The following SLC39A11 variants were observed in gnomAD, a reference collection of about 807,000 sequenced individuals.
The protein encoded by SLC39A11 is solute carrier family 39 member 11.
In SLC39A11, 33 loss-of-function variants were observed where a neutral mutation model predicts 36.1. That is an observed-to-expected ratio of 0.91 (90% CI 0.69 to 1.22). The LOEUF is 1.22. SLC39A11 is among the 50% of genes most tolerant of loss of function. SLC39A11 has a pLI of 0.00. For synonymous variants in SLC39A11, 166 were observed against 170.3 expected, an observed-to-expected ratio of 0.97 and a Z score of 0.20; for missense variants, 432 against 430.3, an observed-to-expected ratio of 1.00 and a Z score of -0.03.
chr17:73,072,580 C>A (rs8081059), intron 3 of SLC39A11: 125,447 of 151,748 alleles, frequency 0.83, 51,952 homozygotes, highest in East Asian at 0.9. Context: ...CAAAAATAAT[C>A]ATCATCATCC....
At chr17:72,959,363 A>ATATATATATATATG (rs1555651691) in intron 4 of SLC39A11, among the ~76,000 whole-genome samples, 1 of 139,550 alleles carries the variant, frequency 7.2e-6, no homozygotes, top group African/African-American at 2.6e-5. Flanking sequence ...ATATATATAT[A>ATATATATATATATG]TATGATCGAA....
chr17:72,757,863 A>T (rs1339511636), intron 6 of SLC39A11, among the ~76,000 whole-genome samples: 3 of 151,832 alleles, frequency 2.0e-5, no homozygotes, highest in Non-Finnish European at 4.4e-5. Context: ...GGGACCTAGG[A>T]GGTGCTCAGT....
chr17:73,011,080 A>ACAGGCACC (rs935946417), intron 4 of SLC39A11, among the ~76,000 whole-genome samples: 2 of 152,030 alleles, frequency 1.3e-5, no homozygotes, highest in Non-Finnish European at 2.9e-5. Context: ...CCCCCGGTAC[A>ACAGGCACC]CAGGCACACA....
intron 6 of SLC39A11, among the ~76,000 whole-genome samples, chr17:72,749,529 C>A (rs530439571): frequency 6.6e-6 from 1 of 152,256 alleles, no homozygotes; most frequent in African/African-American, 2.4e-5. Context: ...GGACACAGGA[C>A]GAAGGAAGCA....
intron 3 of SLC39A11, among the ~76,000 whole-genome samples, chr17:73,083,994 T>C (rs1444839926): frequency 6.6e-6 from 1 of 152,198 alleles, no homozygotes; most frequent in African/African-American, 2.4e-5. Flanking sequence ...TCATCTGGGA[T>C]TAGCTTTTAT....
At chr17:72,991,799 T>C (rs2089201506) in intron 4 of SLC39A11, among the ~76,000 whole-genome samples, 15 of 152,236 alleles carry the variant, frequency 9.9e-5, no homozygotes, top group Admixed American at 9.8e-4. Context: ...CAATGAACAT[T>C]CTCATGCAGG....
chr17:72,967,370 C>CACAGAGAGAGAGAGAGAG (rs145494947), intron 4 of SLC39A11, among the ~76,000 whole-genome samples: 1 of 110,034 alleles, frequency 9.1e-6, no homozygotes. Context: ...TAAGCATGCT[C>CACAGAGAGAGAGAGAGAG]AGAGAGAGAG....
intron 4 of SLC39A11, among the ~76,000 whole-genome samples, chr17:73,021,975 C>T (rs912795346): frequency 6.6e-6 from 1 of 152,252 alleles, no homozygotes; most frequent in African/African-American, 2.4e-5. Flanking sequence ...TCGTGCCAGA[C>T]CCACGGGGTC....
intron 6 of SLC39A11, among the ~76,000 whole-genome samples, chr17:72,782,784 T>C (rs2076366720): frequency 6.7e-6 from 1 of 148,588 alleles, no homozygotes; most frequent in African/African-American, 2.5e-5. Context: ...GTGGATCACC[T>C]GAGGTCAGGA....
chr17:72,955,620 TTTCTTAAGC>T (rs2086205023), intron 4 of SLC39A11, among the ~76,000 whole-genome samples: 1 of 151,990 alleles, frequency 6.6e-6, no homozygotes, highest in Non-Finnish European at 1.5e-5. Context: ...ACTTTTCAGT[TTTCTTAAGC>T]ATCTCAAAGC....
chr17:72,748,771 C>A (rs527385678), intron 6 of SLC39A11, among the ~76,000 whole-genome samples: 1 of 152,204 alleles, frequency 6.6e-6, no homozygotes, highest in Admixed American at 6.5e-5. Context: ...TTGAAGATTC[C>A]GAGCTGTTCC....
chr17:72,736,669 C>T lies in SLC39A11; in HGVS notation c.652G>A (p.Ala218Thr), dbSNP rs1337595861. The T allele has an allele frequency of 3.5e-5, 56 of 1,614,046 alleles. No individual in the cohort carries two copies. The highest frequency in any genetic ancestry group is 4.6e-5 in the Non-Finnish European group (54 of 1,179,956). The change falls in exon 7 of 10, where the codon GCT becomes ACT. Residue 218 changes from alanine (A) to threonine (T), a missense_variant. Physicochemically the swap from Ala to Thr is moderately conservative, Grantham distance 58. Transcript: ENST00000255559. ...GCTTACCTGGCACTCTCAAAGGTAG[C>T]AGATGCCGTCTTTTCTATAGCCCCA... Reference protein sequence around the residue: ...GFGAIEKTASATFESARNLAI... With the variant: ...GFGAIEKTASTTFESARNLAI...
chr17:72,959,325 G>GTGTGTGTGTGTGTGTGTGTGTGTA (rs1436484912), intron 4 of SLC39A11, among the ~76,000 whole-genome samples: 10 of 65,544 alleles, frequency 1.5e-4, no homozygotes, highest in African/African-American at 6.9e-4. Flanking sequence ...GTGTGTGTGT[G>GTGTGTGTGTGTGTGTGTGTGTGTA]TATATATATA....
At chr17:72,779,672 T>C (rs898850427) in intron 6 of SLC39A11, among the ~76,000 whole-genome samples, 6 of 152,152 alleles carry the variant, frequency 3.9e-5, no homozygotes, top group African/African-American at 1.4e-4. Context: ...CATGGCAGCA[T>C]CTCAAGTTGA....
At chr17:73,089,616 G>T (rs909226744) in intron 1 of SLC39A11, 1 of 152,344 alleles carries the variant, frequency 6.6e-6, no homozygotes, top group African/African-American at 2.4e-5. Context: ...TTAGTTGCTT[G>T]AGGACGGGGA....
intron 4 of SLC39A11, among the ~76,000 whole-genome samples, chr17:72,977,625 G>C (rs573347097): frequency 6.6e-6 from 1 of 152,110 alleles, no homozygotes; most frequent in Admixed American, 6.5e-5. Flanking sequence ...CAGAGAAAGT[G>C]AAAGAGCAAA....
At chr17:72,875,960 C>T (rs1412587074) in intron 5 of SLC39A11, among the ~76,000 whole-genome samples, 2 of 152,176 alleles carry the variant, frequency 1.3e-5, no homozygotes, top group Non-Finnish European at 2.9e-5. Flanking sequence ...GACCCAATGA[C>T]CCAAAAGCTG....
At chr17:72,667,810 C>T (rs1323704146) in intron 7 of SLC39A11, among the ~76,000 whole-genome samples, 1 of 152,246 alleles carries the variant, frequency 6.6e-6, no homozygotes, top group African/African-American at 2.4e-5. Context: ...TCATTTTTCT[C>T]TGGCACTTGC....
At chr17:72,922,385 G>A (rs1447974554) in intron 5 of SLC39A11, among the ~76,000 whole-genome samples, 2 of 152,220 alleles carry the variant, frequency 1.3e-5, no homozygotes, top group Non-Finnish European at 2.9e-5. Flanking sequence ...GTTGAAAGGG[G>A]AACTTAGGAA....
Sources: allele counts gnomAD v4.1 joint callset (sites outside exome capture counted in the v4.1 genomes callset), GRCh38; gene constraint gnomAD v4.1.1; transcripts MANE v1.5; gene names NCBI Gene and HGNC (gene_info 2026-07-23, HGNC 2026-07-21).